CCSER1: variants seen among roughly 807,000 people sequenced by gnomAD.
CCSER1 encodes the protein coiled-coil serine rich protein 1.
CCSER1 carries 41 observed loss-of-function variants against 82.0 expected under a neutral mutation model. The ratio of observed to expected loss-of-function variants is 0.50; its 90% confidence interval spans 0.39 to 0.65. The LOEUF (loss-of-function observed/expected upper bound fraction) is 0.65, where lower values mean the gene tolerates loss of function less well. CCSER1 is among the 30% of genes least tolerant of loss of function. The pLI is 0.00. For missense variants in CCSER1, 1,119 were observed against 1,064.2 expected (o/e 1.05, Z -0.72); for synonymous variants, 414 against 383.9 (o/e 1.08, Z -0.92).
chr4:90,446,496 T>C (rs1472249898), intron 4 of CCSER1, among the ~76,000 whole-genome samples: 1 of 152,144 alleles, frequency 6.6e-6, no homozygotes, highest in Non-Finnish European at 1.5e-5. Flanking sequence ...AATTTGATAC[T>C]TATTCTTTTT....
chr4:90,301,002 T>C lies in CCSER1; in HGVS notation c.-41-7242T>C, dbSNP rs1221677620. Among the ~76,000 whole-genome samples the C allele has an allele frequency of 3.9e-5, 6 of 151,962 alleles. No individual in the cohort carries two copies. In the South Asian group the frequency reaches 1.2e-3, roughly 32 times the overall value. ...CACCATGCCTAGTTAATTAATTTTT[T>C]TTTCTTTTTTTCTAAGAGATGGGTT... On this transcript the variant is annotated intron_variant, in intron 1 of 10. Transcript: ENST00000509176.
intron 6 of CCSER1, chr4:90,641,986 A>G (rs116113695): frequency 3.0e-6 from 1 of 332,728 alleles, no homozygotes; most frequent in Admixed American, 2.7e-5. Context: ...AAAACAACTC[A>G]CATACTTTTG....
chr4:90,307,985 A>G (rs1238568886), intron 1 of CCSER1, among the ~76,000 whole-genome samples: 1 of 152,208 alleles, frequency 6.6e-6, no homozygotes, highest in African/African-American at 2.4e-5. Context: ...CTCCAAAGCC[A>G]ACACTCTTGC....
intron 10 of CCSER1, among the ~76,000 whole-genome samples, chr4:91,335,812 T>C (rs1201367181): frequency 6.6e-6 from 1 of 152,050 alleles, no homozygotes; most frequent in Non-Finnish European, 1.5e-5. Context: ...ACTAGGATTT[T>C]TTTTAGAGTT....
chr4:91,202,573 G>T (rs1581762700), intron 10 of CCSER1, among the ~76,000 whole-genome samples: 1 of 152,074 alleles, frequency 6.6e-6, no homozygotes, highest in Non-Finnish European at 1.5e-5. Context: ...AGTATTTAAA[G>T]ATTTTATGTT....
At chr4:90,591,692 C>T (rs1782716537) in intron 5 of CCSER1, among the ~76,000 whole-genome samples, 3 of 152,034 alleles carry the variant, frequency 2.0e-5, no homozygotes, top group Admixed American at 2.0e-4. Flanking sequence ...GGGTATACAC[C>T]CAAAGGGTTA....
At chr4:90,791,353 T>G (rs1397252698) in intron 7 of CCSER1, among the ~76,000 whole-genome samples, 1 of 152,080 alleles carries the variant, frequency 6.6e-6, no homozygotes, top group Admixed American at 6.6e-5. Flanking sequence ...GAGTAATCTT[T>G]TGTGGAAAGA....
At chr4:91,329,020 C>T (rs1181557854) in intron 10 of CCSER1, among the ~76,000 whole-genome samples, 1 of 152,134 alleles carries the variant, frequency 6.6e-6, no homozygotes, top group African/African-American at 2.4e-5. Context: ...ATTGTGAGGC[C>T]TCCTCAGCCA....
At chr4:91,478,147 T>C (rs572200322) in intron 10 of CCSER1, among the ~76,000 whole-genome samples, 6 of 152,018 alleles carry the variant, frequency 3.9e-5, no homozygotes, top group Admixed American at 2.6e-4. Context: ...CAAAAAAATC[T>C]TACTGATCCC....
At chr4:90,299,473 T>G (rs181851633) in intron 1 of CCSER1, among the ~76,000 whole-genome samples, 1 of 152,158 alleles carries the variant, frequency 6.6e-6, no homozygotes, top group Non-Finnish European at 1.5e-5. Context: ...TAATCAATTA[T>G]GTGATTTCTG....
At chr4:90,292,954 C>G (rs2054350) in intron 1 of CCSER1, among the ~76,000 whole-genome samples, 27,492 of 151,740 alleles carry the variant, frequency 0.18, 2,984 homozygotes, top group South Asian at 0.27. Context: ...CTTTAAAATT[C>G]TTTTTCTCAG....
intron 9 of CCSER1, among the ~76,000 whole-genome samples, chr4:90,972,237 A>G (rs1270994456): frequency 4.6e-5 from 7 of 151,814 alleles, no homozygotes; most frequent in African/African-American, 1.7e-4. Flanking sequence ...AGAAAACCCT[A>G]AAGATGCCAC....
Position 91,598,838 on chromosome 4 carries a change from C to G in CCSER1, c.2484C>G (p.Ser828Arg), listed in dbSNP as rs1481683496. 1.3e-6 allele frequency: 2 copies of G among 1,551,506 alleles called. No homozygotes were observed. Among genetic ancestry groups the G allele is most frequent in the African/African-American group, 2.7e-5 (2 of 73,050 alleles). ...ACTTACGGGCCACCGTTGGGCAGAGCTCTCTGAAGCCAACAGCTAAGACAG... is the reference window on the plus strand; with the variant it reads ...ACTTACGGGCCACCGTTGGGCAGAGGTCTCTGAAGCCAACAGCTAAGACAG... The part of the protein sequence containing the change: ...TQNLRATVGQ[S>R]SLKPTAKTEG... Residue 828 changes from serine (S) to arginine (R), a missense_variant, in exon 11 of 11, where the codon AGC (serine) becomes AGG (arginine). Ser to Arg is a moderately radical substitution (Grantham distance 110). Transcript: ENST00000509176.
intron 1 of CCSER1, among the ~76,000 whole-genome samples, chr4:90,138,615 G>C (rs139563490): frequency 1.4e-3 from 212 of 152,314 alleles, no homozygotes; most frequent in Middle Eastern, 6.8e-3. Flanking sequence ...CAGTGGCACA[G>C]GCCAATTTGG....
rs188168075 is a variant in CCSER1 at position 91,492,599 on chromosome 4, G to A, written c.2218-105973G>A. ...ATGTAGCTCCATGCTTTCAGTTGAT[G>A]TCATGGCGTGAACTTAAGAACATTA... On this transcript the variant is annotated intron_variant, in intron 10 of 10. Transcript: ENST00000509176. 5.7e-4 allele frequency among the ~76,000 whole-genome samples: 87 copies of A among 152,168 alleles called. 1 individual carries two copies. The highest frequency in any genetic ancestry group is 4.5e-3 in the Admixed American group (69 of 15,244).
At chr4:91,545,031 A>G (rs1761813679) in intron 10 of CCSER1, among the ~76,000 whole-genome samples, 2 of 151,822 alleles carry the variant, frequency 1.3e-5, no homozygotes, top group Admixed American at 1.3e-4. Flanking sequence ...GCAATGGTGG[A>G]TGCCCCTCCC....
rs182514891 is a variant in CCSER1 at position 91,376,133 on chromosome 4, A to G, written c.2218-222439A>G. 2.8e-3 allele frequency among the ~76,000 whole-genome samples: 409 copies of G among 146,488 alleles called. 3 individuals carry two copies. The South Asian group carries it at 0.035, about 12-fold the overall frequency. On this transcript the variant is annotated intron_variant, in intron 10 of 10. Coordinates refer to ENST00000509176, the MANE Select transcript of CCSER1 (RefSeq NM_001145065.2). ...AGAAAAATAAAACACAAAAATTCCG[A>G]TAAATAAGTATAAGATAAACATTAT...
intron 9 of CCSER1, among the ~76,000 whole-genome samples, chr4:90,942,194 C>T (rs1350497071): frequency 6.6e-6 from 1 of 152,116 alleles, no homozygotes; most frequent in Non-Finnish European, 1.5e-5. Flanking sequence ...AAGCGATCCA[C>T]CCACCACCTC....
At chr4:90,213,146 G>T (rs1303685646) in intron 1 of CCSER1, among the ~76,000 whole-genome samples, 1 of 152,128 alleles carries the variant, frequency 6.6e-6, no homozygotes, top group East Asian at 1.9e-4. Flanking sequence ...CCTGATAGCA[G>T]GGTAATCAGG....
Sources: gnomAD v4.1 joint callset for allele counts (sites outside exome capture counted in the v4.1 genomes callset) on GRCh38, gnomAD v4.1.1 for gene constraint, MANE v1.5 for transcripts, NCBI Gene and HGNC (gene_info 2026-07-23, HGNC 2026-07-21) for gene names.